Variants in KLHL1 observed in about 807,000 individuals in gnomAD.
The protein encoded by KLHL1 is kelch like family member 1.
Under a neutral mutation model 77.7 loss-of-function variants are expected in KLHL1, and 47 were observed. That is an observed-to-expected ratio of 0.60 (90% CI 0.48 to 0.77). The LOEUF (loss-of-function observed/expected upper bound fraction) is 0.77. Ranked by LOEUF, KLHL1 falls within the 30% of genes least tolerant of loss-of-function variation. The pLI, the probability that KLHL1 is intolerant of heterozygous loss-of-function variation, is 0.00. For missense variants in KLHL1, 925 were observed against 910.8 expected, an observed-to-expected ratio of 1.02 and a Z score of -0.20; for synonymous variants, 360 against 325.2, an observed-to-expected ratio of 1.11 and a Z score of -1.15.
chr13:70,073,827 A>ATT (rs753016733), intron 1 of KLHL1, among the ~76,000 whole-genome samples: 2 of 140,582 alleles, frequency 1.4e-5, no homozygotes, highest in Non-Finnish European at 3.1e-5. Context: ...AGCAAACATA[A>ATT]TTTTCTTTTT....
At chr13:69,979,947 A>T (rs1884659889) in intron 1 of KLHL1, among the ~76,000 whole-genome samples, 2 of 152,152 alleles carry the variant, frequency 1.3e-5, no homozygotes, top group South Asian at 4.1e-4. Flanking sequence ...GACCCTCCAA[A>T]TACTCCTTAA....
At chr13:69,781,933 G>A (rs9572277) in intron 7 of KLHL1, among the ~76,000 whole-genome samples, 38,049 of 151,742 alleles carry the variant, frequency 0.25, 4,845 homozygotes, top group South Asian at 0.34. Flanking sequence ...TGCTTTTAAA[G>A]AGATGACATC....
chr13:69,907,674 G>A (rs1013568519), intron 4 of KLHL1, among the ~76,000 whole-genome samples: 3 of 151,946 alleles, frequency 2.0e-5, no homozygotes, highest in Non-Finnish European at 4.4e-5. Flanking sequence ...CATGCTGATT[G>A]AACATAATAG....
intron 4 of KLHL1, among the ~76,000 whole-genome samples, chr13:69,927,627 T>C (rs9542119): frequency 0.87 from 132,390 of 152,144 alleles, 58,191 homozygotes; most frequent in Non-Finnish European, 0.94. Flanking sequence ...AGAGGATATA[T>C]AAATGTCCAA....
At chr13:69,873,136 T>C (rs899415834) in intron 5 of KLHL1, among the ~76,000 whole-genome samples, 28 of 152,310 alleles carry the variant, frequency 1.8e-4, no homozygotes, top group Non-Finnish European at 3.7e-4. Flanking sequence ...ATGTGGACAC[T>C]GAGGTCCAAT....
rs1316398623 is a variant in KLHL1, at chr13:69,818,219, C to CTTTTTTTTTTTTTTT, written c.1414+20742_1414+20756dup. On this transcript the variant is annotated intron_variant, in intron 6 of 10. Transcript: ENST00000377844. ...AGAATTTAACTTAACTCATAGGCATCTTTTTTTTTTTTTTTTTTTTGAGAC... is the reference window on the plus strand; with the variant it reads ...AGAATTTAACTTAACTCATAGGCATCTTTTTTTTTTTTTTTTTTTTTTTTTTTTTTTTTTTGAGAC... Among the ~76,000 whole-genome samples, 29 of 112,880 alleles carry CTTTTTTTTTTTTTTT rather than the reference C, an allele frequency of 2.6e-4. 1 individual carries two copies. The highest frequency in any genetic ancestry group is 9.2e-4 in the African/African-American group (23 of 25,108). 74.1% of individuals were successfully genotyped at this position (112,880 alleles called of 152,430 possible).
In KLHL1 at chr13:69,768,666, A is replaced by G. The variant is rs181866061; in HGVS notation, c.1639+28072T>C. On this transcript the variant is annotated intron_variant, in intron 7 of 10. Transcript: ENST00000377844. ...TTGATTATATTTAAATCTCTTATAC[A>G]TTGATGTTGAGCAGATATGAATAAA... Among the ~76,000 whole-genome samples, 3 of 152,274 alleles carry G rather than the reference A, an allele frequency of 2.0e-5. No individual in the cohort carries two copies. The East Asian group carries it at 5.8e-4, about 29-fold the overall frequency.
At chr13:69,720,564 G>T (rs1872999011) in intron 8 of KLHL1, among the ~76,000 whole-genome samples, 1 of 152,006 alleles carries the variant, frequency 6.6e-6, no homozygotes, top group Non-Finnish European at 1.5e-5. Flanking sequence ...AAAGTGCAAG[G>T]GACATAGAAT....
intron 1 of KLHL1, among the ~76,000 whole-genome samples, chr13:70,069,784 G>T (rs1050852561): frequency 6.6e-6 from 1 of 152,080 alleles, no homozygotes; most frequent in African/African-American, 2.4e-5. Context: ...AAAATGAAAA[G>T]ATTTTAAAAA....
At chr13:70,103,089 G>T (rs565625920) in intron 1 of KLHL1, among the ~76,000 whole-genome samples, 1 of 152,280 alleles carries the variant, frequency 6.6e-6, no homozygotes, top group East Asian at 1.9e-4. Context: ...TTGTTTCGGT[G>T]ATGAAGAACT....
At chr13:69,938,039 AC>A (rs1184103627) in intron 4 of KLHL1, among the ~76,000 whole-genome samples, 2 of 149,082 alleles carry the variant, frequency 1.3e-5, no homozygotes, top group Non-Finnish European at 2.9e-5. Context: ...AGAAAAAAAA[AC>A]ACACACAATA....
intron 1 of KLHL1, among the ~76,000 whole-genome samples, chr13:69,989,227 C>A (rs1884957694): frequency 2.0e-5 from 3 of 151,922 alleles, no homozygotes. Context: ...ATCCTTTCCC[C>A]ATTGCTTGTT....
chr13:69,832,958 G>C (rs932108301), intron 6 of KLHL1, among the ~76,000 whole-genome samples: 1 of 152,082 alleles, frequency 6.6e-6, no homozygotes, highest in Non-Finnish European at 1.5e-5. Context: ...AACTCAATAT[G>C]AATCAAAGAC....
At chr13:69,729,299 T>C (rs1433145525) in intron 8 of KLHL1, among the ~76,000 whole-genome samples, 1 of 152,156 alleles carries the variant, frequency 6.6e-6, no homozygotes, top group Non-Finnish European at 1.5e-5. Context: ...GCAATTTTGG[T>C]CTTGAATCCG....
intron 4 of KLHL1, among the ~76,000 whole-genome samples, chr13:69,927,895 C>T (rs1300210675): frequency 6.6e-6 from 1 of 152,076 alleles, no homozygotes; most frequent in Non-Finnish European, 1.5e-5. Flanking sequence ...ACATACACCC[C>T]CAAATGAAAA....
At chr13:69,737,848 GA>G (rs1378053966) in intron 8 of KLHL1, among the ~76,000 whole-genome samples, 1 of 152,116 alleles carries the variant, frequency 6.6e-6, no homozygotes, top group Non-Finnish European at 1.5e-5. Flanking sequence ...AGACGAGGGG[GA>G]TTTTCCCCAG....
rs34471023 is a variant in KLHL1, at chr13:69,997,215, T to A, written c.498-21413A>T. Reference sequence around the variant, plus strand: ...CAGCCTGGGCTACAGAGTGAGACTCTGTCTCAAAAATAAATGAATAAATAA... The same window carrying A: ...CAGCCTGGGCTACAGAGTGAGACTCAGTCTCAAAAATAAATGAATAAATAA... On this transcript the variant is annotated intron_variant, in intron 1 of 10. Coordinates refer to ENST00000377844, the MANE Select transcript of KLHL1 (RefSeq NM_020866.3). Among the ~76,000 whole-genome samples, 1,496 of 151,944 alleles carry A rather than the reference T, an allele frequency of 9.8e-3. 25 individuals are homozygous for A. Among genetic ancestry groups the A allele is most frequent in the African/African-American group, 0.034 (1,409 of 41,482 alleles).
At chr13:69,718,281 G>C (rs1164404871) in intron 9 of KLHL1, among the ~76,000 whole-genome samples, 2 of 152,044 alleles carry the variant, frequency 1.3e-5, no homozygotes, top group South Asian at 4.1e-4. Flanking sequence ...CATGTTACTG[G>C]TTTATCATTG....
At chr13:69,792,001 G>A (rs530266018) in intron 7 of KLHL1, among the ~76,000 whole-genome samples, 6 of 152,228 alleles carry the variant, frequency 3.9e-5, no homozygotes, top group South Asian at 2.1e-4. Context: ...GAGAAATAGC[G>A]AATGCATGCT....
Sources: allele counts gnomAD v4.1 joint callset (sites outside exome capture counted in the v4.1 genomes callset), GRCh38; gene constraint gnomAD v4.1.1; transcripts MANE v1.5; gene names NCBI Gene and HGNC (gene_info 2026-07-23, HGNC 2026-07-21).